The following RCOR1 variants were observed in gnomAD, a reference collection of about 807,000 sequenced individuals.
RCOR1 encodes REST corepressor 1.
Under a neutral mutation model 64.0 loss-of-function variants are expected in RCOR1, and 12 were observed. The ratio of observed to expected loss-of-function variants is 0.19; its 90% CI spans 0.12 to 0.30. The LOEUF (loss-of-function observed/expected upper bound fraction) is 0.30, where lower values mean the gene tolerates loss of function less well. Among genes scored for constraint, RCOR1 ranks in the 10% least tolerant of loss-of-function variants. RCOR1 has a pLI of 1.00. For synonymous variants in RCOR1, 279 were observed against 227.2 expected (o/e 1.23, Z -2.05); for missense variants, 502 against 621.2 (o/e 0.81, Z 2.04).
chr14:102,676,610 G>A (rs1482520653), intron 2 of RCOR1, among the ~76,000 whole-genome samples: 5 of 86,968 alleles, frequency 5.7e-5, no homozygotes, highest in Admixed American at 1.0e-4. Flanking sequence ...CCTCCCGGAC[G>A]GGGCGGCTGG....
At chr14:102,661,373 TATAATTATGTGGGC>T (rs1315941748) in intron 2 of RCOR1, among the ~76,000 whole-genome samples, 1 of 152,116 alleles carries the variant, frequency 6.6e-6, no homozygotes, top group Admixed American at 6.6e-5. Context: ...AAAAGTCACT[TATAATTATGTGGGC>T]TTTAAAAAAC....
At chr14:102,720,237 C>T (rs1896148650) in intron 8 of RCOR1, among the ~76,000 whole-genome samples, 1 of 152,154 alleles carries the variant, frequency 6.6e-6, no homozygotes, top group South Asian at 2.1e-4. Flanking sequence ...CGGATATGCC[C>T]TCTACTTGGA....
chr14:102,636,233 C>T (rs1030032877), intron 2 of RCOR1, among the ~76,000 whole-genome samples: 5 of 151,892 alleles, frequency 3.3e-5, no homozygotes, highest in Admixed American at 6.6e-5. Flanking sequence ...CAACCACACC[C>T]GGCAGTGAGA....
At chr14:102,626,465 G>A (rs1417133374) in intron 2 of RCOR1, among the ~76,000 whole-genome samples, 1 of 152,216 alleles carries the variant, frequency 6.6e-6, no homozygotes, top group East Asian at 1.9e-4. Flanking sequence ...AATCTCTGGA[G>A]AATCATGGCA....
chr14:102,723,264 A>C (rs1311851819), intron 11 of RCOR1, among the ~76,000 whole-genome samples: 1 of 152,186 alleles, frequency 6.6e-6, no homozygotes, highest in Admixed American at 6.5e-5. Context: ...CCTATTTTGT[A>C]TTGCGTGTGC....
intron 2 of RCOR1, among the ~76,000 whole-genome samples, chr14:102,638,473 G>A (rs2139918206): frequency 6.6e-6 from 1 of 152,032 alleles, no homozygotes; most frequent in South Asian, 2.1e-4. Context: ...AGCCTCCCGA[G>A]TAGCTGGAAT....
At chr14:102,655,383 T>G (rs913605649) in intron 2 of RCOR1, 1 of 985,372 alleles carries the variant, frequency 1.0e-6, no homozygotes, top group African/African-American at 1.7e-5. Flanking sequence ...CATTTTTCCC[T>G]TTGTGAAGCT....
intron 2 of RCOR1, among the ~76,000 whole-genome samples, chr14:102,620,671 T>C (rs1266866532): frequency 6.6e-6 from 1 of 152,184 alleles, no homozygotes; most frequent in Non-Finnish European, 1.5e-5. Flanking sequence ...CAGTGAGCTC[T>C]GATTGTGGCA....
At chr14:102,692,075 G>A (rs1308099357) in intron 3 of RCOR1, among the ~76,000 whole-genome samples, 2 of 152,192 alleles carry the variant, frequency 1.3e-5, no homozygotes, top group African/African-American at 2.4e-5. Context: ...GACCAGTCTA[G>A]TGTGAGTATA....
intron 2 of RCOR1, among the ~76,000 whole-genome samples, chr14:102,668,540 G>A (rs907499127): frequency 1.3e-5 from 2 of 152,108 alleles, no homozygotes; most frequent in South Asian, 2.1e-4. Context: ...TTTCTACCTC[G>A]GCTATCTGCT....
chr14:102,712,997 C>T (rs1437059525), intron 7 of RCOR1, among the ~76,000 whole-genome samples: 1 of 136,224 alleles, frequency 7.3e-6, no homozygotes, highest in East Asian at 2.1e-4. Flanking sequence ...CTCTGTTGCC[C>T]AGGCTGGAGT....
chr14:102,720,305 T>C (rs150222444), intron 8 of RCOR1, among the ~76,000 whole-genome samples: 1 of 152,056 alleles, frequency 6.6e-6, no homozygotes, highest in Non-Finnish European at 1.5e-5. Flanking sequence ...CATGGGAAAA[T>C]TAAGGAGCAG....
intron 8 of RCOR1, among the ~76,000 whole-genome samples, chr14:102,718,627 T>A (rs901007905): frequency 2.6e-5 from 4 of 152,172 alleles, no homozygotes; most frequent in African/African-American, 9.7e-5. Context: ...GACAAGTGGA[T>A]GGCTTTTCTT....
At position 102,707,656 on chromosome 14, in the gene RCOR1, C is replaced by G; in HGVS notation, c.660+144C>G. On this transcript the variant is annotated intron_variant, in intron 5 of 11. Transcript: ENST00000262241. ...CCCTTTAGATTCAGCTTAGTACATG[C>G]TGCTCTGTGGATGGGAGTTTTCCAG... is the stretch of plus-strand genomic sequence containing the variant. The G allele has an allele frequency of 4.3e-6, 3 of 703,358 alleles. No individual in the cohort carries two copies. In the South Asian group the frequency reaches 6.0e-5, roughly 14 times the overall value. 43.6% of individuals were successfully genotyped at this position (703,358 alleles called of 1,614,324 possible).
At chr14:102,701,793 A>G (rs952103616) in intron 4 of RCOR1, among the ~76,000 whole-genome samples, 1 of 152,134 alleles carries the variant, frequency 6.6e-6, no homozygotes, top group Non-Finnish European at 1.5e-5. Context: ...ATCTCAGCTC[A>G]TTGCAACCTC....
intron 2 of RCOR1, among the ~76,000 whole-genome samples, chr14:102,664,693 T>A (rs1197000593): frequency 6.6e-6 from 1 of 152,210 alleles, no homozygotes. Context: ...CTTTCTAAAA[T>A]TTTTCATTAA....
chr14:102,670,741 T>TTATATATA (rs5811078), intron 2 of RCOR1, among the ~76,000 whole-genome samples: 1 of 146,720 alleles, frequency 6.8e-6, no homozygotes, highest in Non-Finnish European at 1.5e-5. Context: ...GACAAGATTA[T>TTATATATA]TATATATATA....
chr14:102,683,752 C>T (rs565048957), intron 3 of RCOR1, among the ~76,000 whole-genome samples: 7 of 152,360 alleles, frequency 4.6e-5, no homozygotes, highest in African/African-American at 7.2e-5. Flanking sequence ...CCTTGATCTC[C>T]GCCCTCGGGC....
intron 2 of RCOR1, among the ~76,000 whole-genome samples, chr14:102,636,118 T>G (rs1894230709): frequency 6.6e-6 from 1 of 151,608 alleles, no homozygotes; most frequent in Non-Finnish European, 1.5e-5. Context: ...TTTTGTATTT[T>G]TAGTAGAGAT....
Sources: allele counts gnomAD v4.1 joint callset (sites outside exome capture counted in the v4.1 genomes callset), GRCh38; gene constraint gnomAD v4.1.1; transcripts MANE v1.5; gene names NCBI Gene and HGNC (gene_info 2026-07-23, HGNC 2026-07-21).